Variants in UBE2S observed in about 807,000 individuals in gnomAD.
UBE2S encodes ubiquitin-conjugating enzyme E2 S.
UBE2S carries 3 observed loss-of-function variants against 12.3 expected under a neutral mutation model. The observed-to-expected ratio is 0.24, with a 90% CI of 0.11 to 0.63. The LOEUF (loss-of-function observed/expected upper bound fraction) is 0.63. UBE2S is among the 30% of genes least tolerant of loss of function. The pLI is 0.85. For synonymous variants in UBE2S, 133 were observed against 142.0 expected (o/e 0.94, Z 0.45); for missense variants, 211 against 313.9 (o/e 0.67, Z 2.48).
rs1401754106 is a variant in UBE2S at position 55,404,218 on chromosome 19, G to A, written c.342+70C>T. 7.6e-6 allele frequency: 12 copies of A among 1,583,662 alleles called. No individual in the cohort carries two copies. The highest frequency in any genetic ancestry group is 2.2e-5 in the East Asian group (1 of 44,566). ...TTGATTCAGAAAAACTAAACAAAGCGCTATGGCTCAGACACCAGCAGACCT... is the reference window on the plus strand; with the variant it reads ...TTGATTCAGAAAAACTAAACAAAGCACTATGGCTCAGACACCAGCAGACCT... On this transcript the variant is annotated intron_variant, in intron 3 of 3. Transcript: ENST00000264552. This position sits in a 1 kb window ranked among gnomAD's most constrained non-coding sequence, Gnocchi z 4.4.
In UBE2S at chr19:55,401,054, C is replaced by A; in HGVS notation, c.*382G>T. 4.1e-6 allele frequency: 1 copy of A among 242,394 alleles called. No homozygotes were observed. Among genetic ancestry groups the A allele is most frequent in the Non-Finnish European group, 8.1e-6 (1 of 123,292 alleles). 15.0% of individuals were successfully genotyped at this position (242,394 alleles called of 1,614,324 possible). A position where few individuals can be genotyped will look rare whatever the true frequency, so the allele number is the denominator to read the frequency against. On this transcript the variant is annotated 3_prime_UTR_variant, in exon 4 of 4. Coordinates refer to ENST00000264552, the MANE Select transcript of UBE2S (RefSeq NM_014501.3). ...CACCAGGAGCAGCTCCAGGTCCTCG[C>A]CCCATTTTAGATTGGAAATCTGACT...
At chr19:55,405,211 C>CAAAA (rs71181761) in intron 2 of UBE2S, among the ~76,000 whole-genome samples, 5,263 of 95,040 alleles carry the variant, frequency 0.055, 273 homozygotes, top group Admixed American at 0.096. Context: ...ACTCTGTTTC[C>CAAAA]AAAAAAAAAA....
intron 3 of UBE2S, 47 bp from the exon 4 acceptor site, chr19:55,401,809 G>A (rs1263284653): frequency 6.2e-7 from 1 of 1,603,760 alleles, no homozygotes. Flanking sequence ...AACCTACAGG[G>A]ACCCCCAGGC....
chr19:55,404,558 G>A lies in UBE2S; in HGVS notation c.152-80C>T, dbSNP rs931145666. 3.4e-5 allele frequency: 45 copies of A among 1,325,292 alleles called. No homozygotes were observed. Among genetic ancestry groups the A allele is most frequent in the Admixed American group, 1.4e-4 (5 of 36,986 alleles). 82.1% of individuals were successfully genotyped at this position (1,325,292 alleles called of 1,614,324 possible). On this transcript the variant is annotated intron_variant, in intron 2 of 3. Transcript: ENST00000264552. The surrounding 1 kb of genome is among the most constrained non-coding windows in gnomAD (Gnocchi z 4.4). The stretch of plus-strand genomic sequence containing the variant: ...CAACACCCCAAAGTCCAGTCTCCAC[G>A]GTCTGATTGTGATGCAGGTGGGTGC...
In UBE2S at chr19:55,401,702, G is replaced by A. The variant is rs1235935851; in HGVS notation, c.403C>T (p.Arg135Cys). 2 of 1,613,374 alleles carry A rather than the reference G, an allele frequency of 1.2e-6. No homozygotes were observed. The highest frequency in any genetic ancestry group is 1.7e-6 in the Non-Finnish European group (2 of 1,180,014). The change falls in exon 4 of 4, where the codon CGC becomes TGC. Residue 135 changes from arginine to cysteine, a missense_variant. This residue lies in a region of UBE2S where 127 missense variants were observed against 224.0 expected (regional missense o/e 0.57). Transcript: ENST00000264552. ...PESALNEEAGRLLLENYEEYA... is the reference protein window; with the variant it reads ...PESALNEEAGCLLLENYEEYA... Reference sequence around the variant, plus strand: ...TCCTCGTAGTTCTCCAAGAGCAGGCGGCCCGCCTCCTCGTTGAGTGCAGAC... The same window carrying A: ...TCCTCGTAGTTCTCCAAGAGCAGGCAGCCCGCCTCCTCGTTGAGTGCAGAC...
chr19:55,403,153 C>T (rs1461448142), intron 3 of UBE2S: 1 of 723,858 alleles, frequency 1.4e-6, no homozygotes, highest in Non-Finnish European at 2.5e-6. Context: ...GGTCTCCTGA[C>T]AATGCATAAT....
At chr19:55,402,835 G>A in intron 3 of UBE2S, 5 of 902,082 alleles carry the variant, frequency 5.5e-6, no homozygotes, top group Middle Eastern at 3.4e-4. Context: ...TGTTTACCTT[G>A]GAGCTCAATC....
In UBE2S at chr19:55,401,355, T is replaced by C. The variant is rs1012511371; in HGVS notation, c.*81A>G. ...CCTGTACCCTCCCCGACCCCAGCCATAATTTAAATAACTTAGAGACAGAGT... is the reference window on the plus strand; with the variant it reads ...CCTGTACCCTCCCCGACCCCAGCCACAATTTAAATAACTTAGAGACAGAGT... On this transcript the variant is annotated 3_prime_UTR_variant, in exon 4 of 4. Coordinates refer to ENST00000264552, the MANE Select transcript of UBE2S (RefSeq NM_014501.3). 5.9e-6 allele frequency: 6 copies of C among 1,010,778 alleles called. No homozygotes were observed. Among genetic ancestry groups the C allele is most frequent in the Non-Finnish European group, 7.1e-6 (5 of 700,880 alleles). 62.6% of individuals were successfully genotyped at this position (1,010,778 alleles called of 1,614,324 possible). A position where few individuals can be genotyped will look rare whatever the true frequency, so the allele number is the denominator to read the frequency against.
At chr19:55,403,231 A>G in intron 3 of UBE2S, 1 of 611,730 alleles carries the variant, frequency 1.6e-6, no homozygotes, top group Non-Finnish European at 2.9e-6. Context: ...GCTATTAAAA[A>G]ACCACTGAAC....
In UBE2S at chr19:55,401,248, G is replaced by C. The variant is rs1458187710; in HGVS notation, c.*188C>G. 4 of 694,732 alleles carry C rather than the reference G, an allele frequency of 5.8e-6. No homozygotes were observed. Among genetic ancestry groups the C allele is most frequent in the Non-Finnish European group, 9.4e-6 (4 of 424,052 alleles). 43.0% of individuals were successfully genotyped at this position (694,732 alleles called of 1,614,324 possible). On this transcript the variant is annotated 3_prime_UTR_variant, in exon 4 of 4. Transcript: ENST00000264552. Reference sequence around the variant, plus strand: ...AACTCCCAGAGCCACATGGCACCATGCAGCGGTCCTGGGGCATCTGTGAGA... The same window carrying C: ...AACTCCCAGAGCCACATGGCACCATCCAGCGGTCCTGGGGCATCTGTGAGA...
At chr19:55,403,693 C>G (rs117878214) in intron 3 of UBE2S, among the ~76,000 whole-genome samples, 5,478 of 151,840 alleles carry the variant, frequency 0.036, 151 homozygotes, top group South Asian at 0.12. Flanking sequence ...GAGTTTGACA[C>G]CAGCCTGGGC....
chr19:55,403,226 TAAA>T (rs1450791439), intron 3 of UBE2S: 1 of 617,162 alleles, frequency 1.6e-6, no homozygotes, highest in Non-Finnish European at 2.9e-6. Flanking sequence ...CTATCGCTAT[TAAA>T]AAACCACTGA....
At chr19:55,402,672 T>G (rs927495822) in intron 3 of UBE2S, among the ~76,000 whole-genome samples, 12 of 152,214 alleles carry the variant, frequency 7.9e-5, no homozygotes, top group African/African-American at 2.7e-4. Context: ...ACTGCAGGTC[T>G]GGCTGCTCTT....
chr19:55,402,976 A>G (rs1013693472), intron 3 of UBE2S: 1 of 1,534,872 alleles, frequency 6.5e-7, no homozygotes. Flanking sequence ...GCAGGCTGTA[A>G]GCAGCCTGGA....
rs999035844 is a variant in UBE2S, at chr19:55,401,780, G to A, written c.343-18C>T. 1.9e-6 allele frequency: 3 copies of A among 1,612,642 alleles called. No homozygotes were observed. Among genetic ancestry groups the A allele is most frequent in the Non-Finnish European group, 2.5e-6 (3 of 1,179,944 alleles). On this transcript the variant is annotated intron_variant, in intron 3 of 3. Coordinates refer to ENST00000264552, the MANE Select transcript of UBE2S (RefSeq NM_014501.3). ...TTGATGGTCTGTGGGAAGAGGCTCA[G>A]GGTCACAGTGGGTCGGGCAACCTAC...
chr19:55,407,256 A>C (rs1007674046), intron 1 of UBE2S, among the ~76,000 whole-genome samples: 13 of 142,320 alleles, frequency 9.1e-5, no homozygotes, highest in Non-Finnish European at 1.8e-4. Context: ...CGTAGGCCAG[A>C]GATCTACTCT....
intron 3 of UBE2S, among the ~76,000 whole-genome samples, 183 bp from the exon 4 acceptor site, chr19:55,401,945 T>C (rs528236526): frequency 7.9e-5 from 12 of 152,298 alleles, no homozygotes; most frequent in Non-Finnish European, 5.9e-5. Context: ...GCCACCTTCA[T>C]GTGACCTGCC....
intron 3 of UBE2S, chr19:55,403,174 G>T (rs569064028): frequency 1.5e-6 from 1 of 679,368 alleles, no homozygotes; most frequent in South Asian, 1.6e-5. Context: ...ACCCCTTGGG[G>T]GGCAAAATCA....
chr19:55,407,157 T>G, intron 1 of UBE2S, among the ~76,000 whole-genome samples, 195 bp from the exon 2 acceptor site: 1 of 149,812 alleles, frequency 6.7e-6, no homozygotes, highest in African/African-American at 2.5e-5. Context: ...GGGGGCGGGT[T>G]CACGGGGGGG....
Sources: gnomAD v4.1 joint callset for allele counts (sites outside exome capture counted in the v4.1 genomes callset) on GRCh38, gnomAD v4.1.1 for gene constraint, gnomAD v4.1.1 regional missense constraint, Gnocchi (gnomAD v3.1) non-coding constraint, MANE v1.5 for transcripts, NCBI Gene and HGNC (gene_info 2026-07-23, HGNC 2026-07-21) for gene names.